Variants in AGBL1 observed in about 807,000 individuals in gnomAD.
AGBL1 encodes cytosolic carboxypeptidase 4.
In AGBL1, 130 loss-of-function variants were observed where a neutral mutation model predicts 118.9. The observed-to-expected ratio is 1.09, with a 90% CI of 0.95 to 1.26. The LOEUF (loss-of-function observed/expected upper bound fraction) is 1.26. Among genes scored for constraint, AGBL1 ranks in the 50% most tolerant of loss-of-function variants. The pLI is 0.00. For missense variants in AGBL1, 1,584 were observed against 1,298.1 expected (o/e 1.22, Z -3.38); for synonymous variants, 555 against 478.9 (o/e 1.16, Z -2.08).
chr15:86,236,103 T>G (rs2078537850), intron 6 of AGBL1, among the ~76,000 whole-genome samples: 2 of 152,212 alleles, frequency 1.3e-5, no homozygotes, highest in African/African-American at 4.8e-5. Context: ...TTGAAAGAAA[T>G]GAATGTTTAT....
At chr15:86,722,953 G>C (rs1159590270) in intron 22 of AGBL1, among the ~76,000 whole-genome samples, 1 of 152,144 alleles carries the variant, frequency 6.6e-6, no homozygotes, top group Admixed American at 6.5e-5. Flanking sequence ...ACCACAATGA[G>C]ATACCATCTC....
At chr15:86,207,320 A>T (rs2141874237) in intron 5 of AGBL1, among the ~76,000 whole-genome samples, 1 of 152,274 alleles carries the variant, frequency 6.6e-6, no homozygotes, top group South Asian at 2.1e-4. Context: ...TATGAACTTT[A>T]AAAAGTAGAT....
chr15:86,707,659 C>A (rs574542444), intron 22 of AGBL1, among the ~76,000 whole-genome samples: 14 of 152,182 alleles, frequency 9.2e-5, no homozygotes, highest in Non-Finnish European at 1.9e-4. Flanking sequence ...CTCATAAGTT[C>A]AATAAAAATC....
At chr15:86,511,965 A>G (rs1246991193) in intron 18 of AGBL1, among the ~76,000 whole-genome samples, 1 of 151,996 alleles carries the variant, frequency 6.6e-6, no homozygotes, top group Non-Finnish European at 1.5e-5. Context: ...TGGTGTCAGA[A>G]AGCATTTATT....
intron 17 of AGBL1, among the ~76,000 whole-genome samples, chr15:86,325,511 C>T (rs1315957429): frequency 1.3e-5 from 2 of 152,124 alleles, no homozygotes; most frequent in Admixed American, 6.5e-5. Context: ...TTTGGCAGGG[C>T]CTCTCCTTTT....
At chr15:86,188,694 T>A (rs1185218617) in intron 5 of AGBL1, among the ~76,000 whole-genome samples, 1 of 152,206 alleles carries the variant, frequency 6.6e-6, no homozygotes, top group African/African-American at 2.4e-5. Flanking sequence ...ATTAACAACA[T>A]GTTTGACTTT....
At chr15:86,368,357 A>G (rs1413851465) in intron 17 of AGBL1, among the ~76,000 whole-genome samples, 2 of 152,162 alleles carry the variant, frequency 1.3e-5, no homozygotes, top group Non-Finnish European at 2.9e-5. Flanking sequence ...AACTTCCAAA[A>G]TATGTCATGA....
intron 17 of AGBL1, among the ~76,000 whole-genome samples, chr15:86,389,270 C>T (rs1225708754): frequency 1.3e-5 from 2 of 152,014 alleles, no homozygotes; most frequent in African/African-American, 2.4e-5. Flanking sequence ...CAAAAACACA[C>T]ATTTCTATTT....
intron 22 of AGBL1, among the ~76,000 whole-genome samples, chr15:86,686,624 A>T (rs1240575092): frequency 6.6e-6 from 1 of 152,016 alleles, no homozygotes; most frequent in African/African-American, 2.4e-5. Flanking sequence ...TCTTTAGTAG[A>T]TACAAGGTTT....
At chr15:86,268,997 T>C (rs1326894612) in intron 13 of AGBL1, among the ~76,000 whole-genome samples, 1 of 152,204 alleles carries the variant, frequency 6.6e-6, no homozygotes, top group African/African-American at 2.4e-5. Context: ...AATGTTTAAG[T>C]CAAAACTGCA....
chr15:86,803,990 G>A (rs1270514816), intron 22 of AGBL1, among the ~76,000 whole-genome samples: 1 of 152,068 alleles, frequency 6.6e-6, no homozygotes, highest in East Asian at 1.9e-4. Flanking sequence ...ATATGGACTA[G>A]TGCTTATAAC....
chr15:86,753,587 G>A (rs564545200), intron 22 of AGBL1, among the ~76,000 whole-genome samples: 1 of 151,742 alleles, frequency 6.6e-6, no homozygotes, highest in East Asian at 1.9e-4. Context: ...TAGTAGAGAC[G>A]GGGTTTCACC....
At chr15:86,524,082 AT>A (rs1176227724) in intron 19 of AGBL1, among the ~76,000 whole-genome samples, 4 of 152,222 alleles carry the variant, frequency 2.6e-5, no homozygotes, top group Non-Finnish European at 5.9e-5. Flanking sequence ...ATGAATATTT[AT>A]TTTTAAAATG....
Position 86,522,958 on chromosome 15 carries a change from C to T in AGBL1, c.2685+19C>T. ...TCCCGTGGTGAGTCACTTCCTTCTG[C>T]CTCCACCTTCCTGGCTGCTTCCTTC... On this transcript the variant is annotated intron_variant, in intron 19 of 22. Transcript: ENST00000614907. 1.2e-6 allele frequency: 2 copies of T among 1,610,948 alleles called. No homozygotes were observed. The highest frequency in any genetic ancestry group is 1.7e-6 in the Non-Finnish European group (2 of 1,177,186).
At chr15:86,593,594 A>C (rs142578186) in intron 21 of AGBL1, among the ~76,000 whole-genome samples, 1,867 of 152,342 alleles carry the variant, frequency 0.012, 18 homozygotes, top group South Asian at 0.022. Flanking sequence ...ACTAATTGTT[A>C]TATCAACTTC....
At chr15:86,934,667 T>G (rs1221638257) in intron 23 of AGBL1, among the ~76,000 whole-genome samples, 1 of 148,384 alleles carries the variant, frequency 6.7e-6, no homozygotes, top group Non-Finnish European at 1.5e-5. Flanking sequence ...TGATTAAGAT[T>G]ATAGCCCCTG....
At chr15:86,828,924 ATATAT>A (rs2079067883) in intron 22 of AGBL1, among the ~76,000 whole-genome samples, 1 of 144,994 alleles carries the variant, frequency 6.9e-6, no homozygotes, top group Non-Finnish European at 1.5e-5. Context: ...GTATATATAT[ATATAT>A]ATATATATAT....
intron 21 of AGBL1, among the ~76,000 whole-genome samples, chr15:86,592,710 C>T (rs886912692): frequency 2.2e-4 from 33 of 152,214 alleles, no homozygotes; most frequent in Non-Finnish European, 4.4e-5. Context: ...TGAGCCCACT[C>T]ACCCAGCTTC....
At chr15:86,115,027 G>A (rs1339821783) in intron 1 of AGBL1, among the ~76,000 whole-genome samples, 1 of 152,176 alleles carries the variant, frequency 6.6e-6, no homozygotes. Context: ...TTCACCACTG[G>A]GTTATGGATA....
Sources: gnomAD v4.1 joint callset for allele counts (sites outside exome capture counted in the v4.1 genomes callset) on GRCh38, gnomAD v4.1.1 for gene constraint, MANE v1.5 for transcripts, NCBI Gene and HGNC (gene_info 2026-07-23, HGNC 2026-07-21) for gene names.